HIRA: variants seen among roughly 807,000 people sequenced by gnomAD.
The protein encoded by HIRA is histone cell cycle regulator.
Under a neutral mutation model 126.6 loss-of-function variants are expected in HIRA, and 13 were observed. That is an observed-to-expected ratio of 0.10 (90% CI 0.07 to 0.16). HIRA has a LOEUF of 0.16. Among genes scored for constraint, HIRA ranks in the 10% least tolerant of loss-of-function variants. The pLI, the probability that HIRA is intolerant of heterozygous loss-of-function variation, is 1.00. For missense variants in HIRA, 834 were observed against 1,314.4 expected (o/e 0.63, Z 5.65); for synonymous variants, 511 against 520.0 (o/e 0.98, Z 0.24).
Position 19,375,800 on chromosome 22 carries a change from G to A in HIRA, c.1614-8C>T. On this transcript the variant is annotated splice_polypyrimidine_tract_variant and splice_region_variant and intron_variant, in intron 14 of 24. Transcript: ENST00000263208. The stretch of plus-strand genomic sequence containing the variant: ...GTAGAGGTAGCATTCATACTGGGGT[G>A]AAGAAGAGGGGAGGCATGTCAAGCG... 4 of 1,613,954 alleles carry A rather than the reference G, an allele frequency of 2.5e-6. No homozygotes were observed. Among genetic ancestry groups the A allele is most frequent in the Non-Finnish European group, 3.4e-6 (4 of 1,179,856 alleles).
At chr22:19,374,060 C>G (rs946946995) in intron 15 of HIRA, among the ~76,000 whole-genome samples, 2 of 151,954 alleles carry the variant, frequency 1.3e-5, no homozygotes, top group Non-Finnish European at 2.9e-5. Context: ...AGACCGCGCG[C>G]GGTGGCTCAC....
intron 15 of HIRA, among the ~76,000 whole-genome samples, chr22:19,374,691 T>C: frequency 6.6e-6 from 1 of 152,168 alleles, no homozygotes; most frequent in African/African-American, 2.4e-5. Flanking sequence ...CACCATCTAC[T>C]GCAAGGACAG....
At chr22:19,339,424 C>A (rs1379193390) in intron 24 of HIRA, among the ~76,000 whole-genome samples, 1 of 152,122 alleles carries the variant, frequency 6.6e-6, no homozygotes, top group Non-Finnish European at 1.5e-5. Context: ...CACTTGAGGT[C>A]AGGAGTTCAA....
intron 15 of HIRA, among the ~76,000 whole-genome samples, chr22:19,370,969 C>T (rs2146205761): frequency 6.6e-6 from 1 of 152,292 alleles, no homozygotes; most frequent in East Asian, 1.9e-4. Context: ...AGTCAAGATT[C>T]TGTCTCCAGA....
intron 5 of HIRA, among the ~76,000 whole-genome samples, chr22:19,402,257 G>C (rs563296156): frequency 6.6e-6 from 1 of 152,200 alleles, no homozygotes; most frequent in Non-Finnish European, 1.5e-5. Flanking sequence ...TTGGTATGTG[G>C]ACAAGTAAAT....
chr22:19,331,660 A>G, intron 24 of HIRA, 104 bp from the exon 25 acceptor site: 1 of 1,078,182 alleles, frequency 9.3e-7, no homozygotes, highest in Non-Finnish European at 1.3e-6. Context: ...TCACGGGAGA[A>G]GGAAAGAACA....
At chr22:19,388,952 G>C (rs2089152059) in intron 9 of HIRA, among the ~76,000 whole-genome samples, 1 of 152,184 alleles carries the variant, frequency 6.6e-6, no homozygotes, top group African/African-American at 2.4e-5. Context: ...CAGGGGATGA[G>C]GCACCCTGAG....
chr22:19,360,343 C>A (rs2088851826), intron 17 of HIRA, among the ~76,000 whole-genome samples: 2 of 152,180 alleles, frequency 1.3e-5, no homozygotes, highest in African/African-American at 4.8e-5. Context: ...GTCAGAACAC[C>A]TCTGAGTGCA....
At chr22:19,401,463 C>G (rs902310343) in intron 5 of HIRA, among the ~76,000 whole-genome samples, 2 of 152,172 alleles carry the variant, frequency 1.3e-5, no homozygotes, top group African/African-American at 2.4e-5. Context: ...CATCCTTGGA[C>G]TCTGCTCATA....
chr22:19,383,316 A>C (rs912383562), intron 13 of HIRA, among the ~76,000 whole-genome samples: 31 of 152,190 alleles, frequency 2.0e-4, no homozygotes, highest in African/African-American at 7.2e-4. Flanking sequence ...AAAAGAAAAA[A>C]AAAATCAGCC....
intron 15 of HIRA, among the ~76,000 whole-genome samples, chr22:19,365,471 T>C (rs2088904003): frequency 1.3e-5 from 2 of 152,220 alleles, no homozygotes; most frequent in Non-Finnish European, 2.9e-5. Context: ...CCAAAAATCC[T>C]AGGGCCCTTA....
At chr22:19,393,641 C>G (rs915117407) in intron 8 of HIRA, among the ~76,000 whole-genome samples, 1 of 152,182 alleles carries the variant, frequency 6.6e-6, no homozygotes, top group East Asian at 1.9e-4. Flanking sequence ...CAGGCATGAG[C>G]CACCGTGTCC....
intron 1 of HIRA, among the ~76,000 whole-genome samples, chr22:19,420,541 C>T (rs548053907): frequency 1.3e-5 from 2 of 150,074 alleles, no homozygotes; most frequent in African/African-American, 2.5e-5. Flanking sequence ...AAAGTTTTGA[C>T]GAAAGGCATT....
chr22:19,415,970 G>C (rs1043632795), intron 1 of HIRA, among the ~76,000 whole-genome samples: 3 of 152,108 alleles, frequency 2.0e-5, no homozygotes, highest in Admixed American at 1.3e-4. Context: ...TGAGGATCTC[G>C]CATTTCCTTA....
intron 15 of HIRA, among the ~76,000 whole-genome samples, chr22:19,370,604 G>T (rs1601824138): frequency 6.6e-6 from 1 of 152,184 alleles, no homozygotes; most frequent in South Asian, 2.1e-4. Context: ...ATCAATACAA[G>T]AAAACAGCCA....
In HIRA at chr22:19,354,026, G is replaced by C; in HGVS notation, c.2654C>G (p.Pro885Arg). ...PSQDAMLCSG[P>R]LAIIQGRTSN... The stretch of plus-strand genomic sequence containing the variant: ...GGTGCGGCCCTGGATTATGGCTAAC[G>C]GTCCTGAGCACAGCATGGCGTCCTG... Residue 885 changes from proline (P) to arginine (R), a missense_variant, in exon 22 of 25, where the codon CCG (proline) becomes CGG (arginine). Pro to Arg is a moderately radical substitution (Grantham distance 103). Transcript: ENST00000263208. 1.9e-6 allele frequency: 3 copies of C among 1,613,466 alleles called. No individual in the cohort carries two copies. Among genetic ancestry groups the C allele is most frequent in the Non-Finnish European group, 2.5e-6 (3 of 1,179,806 alleles).
chr22:19,395,382 G>C (rs1569306023), intron 7 of HIRA, among the ~76,000 whole-genome samples: 1 of 152,108 alleles, frequency 6.6e-6, no homozygotes, highest in Non-Finnish European at 1.5e-5. Context: ...AGGCTGAAGA[G>C]TACTACCACC....
intron 15 of HIRA, 117 bp from the exon 16 acceptor site, chr22:19,362,048 G>A: frequency 1.1e-6 from 1 of 901,364 alleles, no homozygotes. Context: ...TCTGTGTCCA[G>A]TGAAATTATG....
intron 3 of HIRA, 76 bp from the exon 4 acceptor site, chr22:19,407,350 G>A: frequency 8.7e-7 from 1 of 1,155,816 alleles, no homozygotes; most frequent in South Asian, 1.2e-5. Flanking sequence ...TTGGCAAGAT[G>A]TAAAGGGTTT....
Sources: allele counts gnomAD v4.1 joint callset (sites outside exome capture counted in the v4.1 genomes callset), GRCh38; gene constraint gnomAD v4.1.1; transcripts MANE v1.5; gene names NCBI Gene and HGNC (gene_info 2026-07-23, HGNC 2026-07-21).